The following CEP89 variants were observed in gnomAD, a reference collection of about 807,000 sequenced individuals.
CEP89 encodes centrosomal protein of 89 kDa.
CEP89 carries 95 observed loss-of-function variants against 97.6 expected under a neutral mutation model. That is an observed-to-expected ratio of 0.97 (90% confidence interval 0.82 to 1.15). CEP89 has a LOEUF of 1.15. Ranked by LOEUF, CEP89 falls within the 50% of genes most tolerant of loss-of-function variation. The probability of loss-of-function intolerance (pLI) is 0.00; values close to 1 mark genes in which losing one functional copy is unlikely to be tolerated. For synonymous variants in CEP89, 354 were observed against 349.1 expected (o/e 1.01, Z -0.16); for missense variants, 869 against 947.7 (o/e 0.92, Z 1.09).
chr19:32,914,233 A>T (rs1970072747), intron 14 of CEP89, among the ~76,000 whole-genome samples: 2 of 152,108 alleles, frequency 1.3e-5, no homozygotes, highest in South Asian at 2.1e-4. Context: ...ATATCCTTTC[A>T]TTTAACTAAT....
intron 14 of CEP89, among the ~76,000 whole-genome samples, chr19:32,913,669 G>A (rs549644838): frequency 5.1e-5 from 7 of 137,508 alleles, no homozygotes; most frequent in East Asian, 4.2e-4. Context: ...ACAAAGTCTC[G>A]CTCTTGTCCC....
At position 32,935,706 on chromosome 19, in the gene CEP89, G is replaced by A. The variant is rs182006757; in HGVS notation, c.667+1925C>T. Among the ~76,000 whole-genome samples the A allele has an allele frequency of 1.1e-3, 163 of 152,230 alleles. 2 individuals carry two copies. The highest frequency in any genetic ancestry group is 3.1e-3 in the Admixed American group (47 of 15,290). On this transcript the variant is annotated intron_variant, in intron 7 of 18. Coordinates refer to ENST00000305768, the MANE Select transcript of CEP89 (RefSeq NM_032816.5). The stretch of plus-strand genomic sequence containing the variant: ...CAGTGGCCCATCTAGAGTGGCCACC[G>A]CACAGACTCTAGAGCAGGGAGGTGT...
At chr19:32,905,502 T>TTTA (rs1422688461) in intron 14 of CEP89, among the ~76,000 whole-genome samples, 1 of 150,792 alleles carries the variant, frequency 6.6e-6, no homozygotes, top group Non-Finnish European at 1.5e-5. Flanking sequence ...TTTTTTTTTT[T>TTTA]AATTCAATTC....
At chr19:32,918,669 T>C (rs574996962) in intron 12 of CEP89, among the ~76,000 whole-genome samples, 22 of 152,280 alleles carry the variant, frequency 1.4e-4, no homozygotes, top group Admixed American at 1.4e-3. Context: ...TGAGGTTTCA[T>C]CTGTATAAAC....
intron 16 of CEP89, among the ~76,000 whole-genome samples, chr19:32,893,558 C>T (rs570007508): frequency 6.6e-6 from 1 of 152,264 alleles, no homozygotes; most frequent in South Asian, 2.1e-4. Context: ...ACATTTCATC[C>T]AGTAACGGCA....
intron 2 of CEP89, among the ~76,000 whole-genome samples, chr19:32,960,278 TAA>T (rs1263655095): frequency 5.9e-5 from 9 of 152,180 alleles, no homozygotes; most frequent in Non-Finnish European, 8.8e-5. Context: ...CCATAGAAAT[TAA>T]ATGACTTGTA....
At chr19:32,937,737 C>T (rs941360496) in intron 6 of CEP89, 64 bp from the exon 7 acceptor site, 62 of 1,135,614 alleles carry the variant, frequency 5.5e-5, no homozygotes, top group South Asian at 1.4e-4. Flanking sequence ...AGTGGACACA[C>T]GCAGCTAGGT....
intron 5 of CEP89, among the ~76,000 whole-genome samples, chr19:32,944,302 G>A (rs1970751548): frequency 6.6e-6 from 1 of 150,722 alleles, no homozygotes; most frequent in Non-Finnish European, 1.5e-5. Flanking sequence ...TAGAAGCTGC[G>A]AAAGGAAACC....
At chr19:32,956,637 G>A (rs993891078) in intron 3 of CEP89, among the ~76,000 whole-genome samples, 3 of 152,050 alleles carry the variant, frequency 2.0e-5, no homozygotes, top group African/African-American at 7.2e-5. Flanking sequence ...AAAGTGCTGG[G>A]ATTACAGGTG....
At chr19:32,933,232 T>C (rs751558786) in intron 8 of CEP89, among the ~76,000 whole-genome samples, 4 of 152,216 alleles carry the variant, frequency 2.6e-5, no homozygotes, top group Non-Finnish European at 5.9e-5. Context: ...TTTGTTTTTG[T>C]AAATTCAGCT....
intron 16 of CEP89, among the ~76,000 whole-genome samples, chr19:32,889,997 A>C (rs1464918311): frequency 6.6e-6 from 1 of 152,108 alleles, no homozygotes; most frequent in East Asian, 1.9e-4. Flanking sequence ...TCAAGGCTCC[A>C]TCCATGCTGT....
chr19:32,923,756 G>A (rs1428742251), intron 11 of CEP89, among the ~76,000 whole-genome samples: 1 of 152,106 alleles, frequency 6.6e-6, no homozygotes, highest in Non-Finnish European at 1.5e-5. Context: ...CAAATGCAAG[G>A]CCAAGTACAA....
chr19:32,962,595 T>C (rs909049699), intron 2 of CEP89, among the ~76,000 whole-genome samples: 4 of 152,132 alleles, frequency 2.6e-5, no homozygotes, highest in Admixed American at 1.3e-4. Context: ...GAAAGCATGA[T>C]CCATAAAAGA....
At chr19:32,906,695 A>G (rs1244786496) in intron 14 of CEP89, among the ~76,000 whole-genome samples, 1 of 150,416 alleles carries the variant, frequency 6.6e-6, no homozygotes, top group Non-Finnish European at 1.5e-5. Flanking sequence ...GTCTCTCTCC[A>G]TCTTATTATC....
intron 16 of CEP89, among the ~76,000 whole-genome samples, chr19:32,893,521 C>A (rs1969577953): frequency 1.3e-5 from 2 of 152,104 alleles, no homozygotes; most frequent in African/African-American, 4.8e-5. Flanking sequence ...GCACTTTAGA[C>A]AAAATGACCT....
At chr19:32,903,975 C>T (rs568761586) in intron 14 of CEP89, among the ~76,000 whole-genome samples, 4 of 152,258 alleles carry the variant, frequency 2.6e-5, no homozygotes, top group South Asian at 4.1e-4. Context: ...GCCTGGGCAA[C>T]GTAACAAGAC....
intron 1 of CEP89, chr19:32,971,471 A>G (rs1971407705): frequency 1.3e-5 from 7 of 544,682 alleles, no homozygotes; most frequent in South Asian, 1.1e-4. Context: ...CCATAGGAAC[A>G]TAGCAAGATC....
intron 14 of CEP89, among the ~76,000 whole-genome samples, chr19:32,906,604 G>A (rs1036597262): frequency 2.6e-5 from 4 of 151,738 alleles, no homozygotes; most frequent in Non-Finnish European, 2.9e-5. Context: ...TTGCTTCTCA[G>A]GCATCCTGCC....
intron 14 of CEP89, among the ~76,000 whole-genome samples, chr19:32,903,899 A>G (rs1008393393): frequency 2.0e-5 from 3 of 152,166 alleles, no homozygotes; most frequent in African/African-American, 7.2e-5. Flanking sequence ...GGGGTCCCCC[A>G]CTGTAATCCC....
Sources: gnomAD v4.1 joint callset for allele counts (sites outside exome capture counted in the v4.1 genomes callset) on GRCh38, gnomAD v4.1.1 for gene constraint, MANE v1.5 for transcripts, NCBI Gene and HGNC (gene_info 2026-07-23, HGNC 2026-07-21) for gene names.